ALDH8A1: variants seen among roughly 807,000 people sequenced by gnomAD.
ALDH8A1 encodes the protein 2-aminomuconic semialdehyde dehydrogenase.
Under a neutral mutation model 43.3 loss-of-function variants are expected in ALDH8A1, and 39 were observed. The ratio of observed to expected loss-of-function variants is 0.90; its 90% CI spans 0.70 to 1.18. The LOEUF (loss-of-function observed/expected upper bound fraction) is 1.18. Ranked by LOEUF, ALDH8A1 falls within the 50% of genes most tolerant of loss-of-function variation. The pLI is 0.00. For synonymous variants in ALDH8A1, 233 were observed against 243.5 expected (o/e 0.96, Z 0.40); for missense variants, 605 against 622.6 (o/e 0.97, Z 0.30).
rs369657445 is a variant in ALDH8A1 at position 134,942,476 on chromosome 6, C to G, written c.375G>C (p.Thr125=). The G allele has an allele frequency of 5.8e-5, 94 of 1,614,058 alleles. No individual in the cohort carries two copies. The highest frequency in any genetic ancestry group is 7.7e-5 in the Non-Finnish European group (91 of 1,180,034). The change falls in exon 3 of 7, where the codon ACG becomes ACC. Residue 125 remains threonine (T), a synonymous_variant. Transcript: ENST00000265605. ...GGTGGTCCATCTGCGTGCACTCTGA[C>G]GTGTGGTGCAGGCTGGAGGAAGCGA... The part of the protein sequence containing the change: ...RFFASSSLHH[T]SECTQMDHLG...
Position 134,929,068 on chromosome 6 carries a change from C to T in ALDH8A1, c.997G>A (p.Ala333Thr). 1 of 1,613,326 alleles carries T rather than the reference C, an allele frequency of 6.2e-7. No homozygotes were observed. The highest frequency in any genetic ancestry group is 8.5e-7 in the Non-Finnish European group (1 of 1,179,846). Residue 333 changes from alanine (A) to threonine (T), a missense_variant, in exon 6 of 7, where the codon GCA becomes ACA. Coordinates refer to ENST00000265605, the MANE Select transcript of ALDH8A1 (RefSeq NM_022568.4). The stretch of plus-strand genomic sequence containing the variant: ...AATTTACTTACTTTCTCCAAATGTG[C>T]TTTACTTATCAGAGCACCTATGCTC... ...LVSIGALISK[A>T]HLEKVRSYVK...
At chr6:134,921,086 G>T (rs138338935) in intron 6 of ALDH8A1, among the ~76,000 whole-genome samples, 156 of 152,274 alleles carry the variant, frequency 1.0e-3, no homozygotes, top group African/African-American at 3.4e-3. Context: ...TTGACTGTCA[G>T]CCTCTGTTGT....
chr6:134,946,812 A>G (rs538322922), intron 1 of ALDH8A1, among the ~76,000 whole-genome samples: 14 of 150,844 alleles, frequency 9.3e-5, no homozygotes, highest in South Asian at 2.1e-4. Flanking sequence ...GTGTGCGTGC[A>G]CGCACAGGTG....
At chr6:134,939,048 T>C (rs1583032784) in intron 4 of ALDH8A1, among the ~76,000 whole-genome samples, 3 of 152,070 alleles carry the variant, frequency 2.0e-5, no homozygotes, top group Admixed American at 2.0e-4. Flanking sequence ...TCGCCCACCC[T>C]GGGGAGTGGA....
intron 4 of ALDH8A1, among the ~76,000 whole-genome samples, chr6:134,935,935 C>G (rs1773729724): frequency 6.6e-6 from 1 of 151,512 alleles, no homozygotes; most frequent in African/African-American, 2.4e-5. Context: ...TGTGATGGTG[C>G]CTAGCAGAGC....
chr6:134,943,057 G>A (rs570289150), intron 2 of ALDH8A1, among the ~76,000 whole-genome samples: 1 of 152,302 alleles, frequency 6.6e-6, no homozygotes, highest in Non-Finnish European at 1.5e-5. Flanking sequence ...ATGCTGTGTG[G>A]CACCTGCTTG....
chr6:134,933,159 T>C, intron 4 of ALDH8A1, 127 bp from the exon 5 acceptor site: 6 of 1,103,130 alleles, frequency 5.4e-6, no homozygotes, highest in Non-Finnish European at 7.4e-6. Context: ...AGCACTTGGG[T>C]TTTACAACAC....
intron 5 of ALDH8A1, 74 bp downstream of exon 5, chr6:134,932,702 C>T (rs1422598645): frequency 2.0e-5 from 32 of 1,564,456 alleles, no homozygotes; most frequent in Non-Finnish European, 2.8e-5. Flanking sequence ...TGCTCCCAGG[C>T]ATTGCACTGT....
rs1251870562 is a variant in ALDH8A1 at position 134,918,789 on chromosome 6, G to A, written c.1090C>T (p.Pro364Ser). ...AAGTAGCCTGCCTGGTTCCTGGCAGGGAGGCTCAACTTATCCACTCCCTCA... is the reference window on the plus strand; with the variant it reads ...AAGTAGCCTGCCTGGTTCCTGGCAGAGAGGCTCAACTTATCCACTCCCTCA... ...CGEGVDKLSL[P>S]ARNQAGYFML... is the part of the protein sequence containing the mutation. Residue 364 changes from proline (P) to serine (S), a missense_variant, in exon 7 of 7, where the codon CCT (proline) becomes TCT (serine). Physicochemically the swap from Pro to Ser is moderately conservative, Grantham distance 74. Coordinates refer to ENST00000265605, the MANE Select transcript of ALDH8A1 (RefSeq NM_022568.4). 6.2e-7 allele frequency: 1 copy of A among 1,614,022 alleles called. No homozygotes were observed. Among genetic ancestry groups the A allele is most frequent in the Non-Finnish European group, 8.5e-7 (1 of 1,180,044 alleles).
At chr6:134,943,691 G>C in intron 2 of ALDH8A1, 128 bp downstream of exon 2, 2 of 1,408,758 alleles carry the variant, frequency 1.4e-6, no homozygotes, top group Non-Finnish European at 1.9e-6. Flanking sequence ...GCAGGGGAGG[G>C]TTTGCTCTCC....
intron 1 of ALDH8A1, among the ~76,000 whole-genome samples, chr6:134,948,102 A>G (rs1276827862): frequency 6.6e-6 from 1 of 152,220 alleles, no homozygotes; most frequent in Non-Finnish European, 1.5e-5. Context: ...ATTTGCACCA[A>G]CACGATTTGA....
At chr6:134,920,534 C>A (rs766892069) in intron 6 of ALDH8A1, among the ~76,000 whole-genome samples, 1 of 152,076 alleles carries the variant, frequency 6.6e-6, no homozygotes, top group Non-Finnish European at 1.5e-5. Context: ...GGCTTTAGAC[C>A]ATTATGTCGA....
intron 5 of ALDH8A1, among the ~76,000 whole-genome samples, chr6:134,930,702 G>T (rs888255965): frequency 6.6e-6 from 1 of 152,182 alleles, no homozygotes. Flanking sequence ...TTGCGCAAGC[G>T]CCCTGTGACA....
At chr6:134,923,457 T>A (rs1265323623) in intron 6 of ALDH8A1, among the ~76,000 whole-genome samples, 2 of 152,182 alleles carry the variant, frequency 1.3e-5, no homozygotes, top group African/African-American at 4.8e-5. Context: ...TATATTTTAA[T>A]GTGGTCAGAA....
intron 3 of ALDH8A1, chr6:134,941,253 C>G (rs1222466217): frequency 2.6e-5 from 4 of 152,222 alleles, no homozygotes; most frequent in African/African-American, 9.7e-5. Context: ...ATCACCCAGG[C>G]TGGAGTGCAG....
In ALDH8A1 at chr6:134,949,770, A is replaced by C. The variant is rs1281795008; in HGVS notation, c.138+146T>G. On this transcript the variant is annotated intron_variant, in intron 1 of 6. Coordinates refer to ENST00000265605, the MANE Select transcript of ALDH8A1 (RefSeq NM_022568.4). ...GTATCATACAGTCCAGTTACAAGGTACATCTTCTGAGAACTAGAATCTTCC... is the reference window on the plus strand; with the variant it reads ...GTATCATACAGTCCAGTTACAAGGTCCATCTTCTGAGAACTAGAATCTTCC... The C allele has an allele frequency of 4.4e-6, 4 of 901,626 alleles. No homozygotes were observed. The Admixed American group carries it at 1.3e-4, about 30-fold the overall frequency. The allele number at this position is 901,626 out of a possible 1,614,324, so 55.9% of individuals were successfully genotyped here.
intron 6 of ALDH8A1, among the ~76,000 whole-genome samples, chr6:134,924,805 T>C (rs1307805231): frequency 6.6e-6 from 1 of 152,260 alleles, no homozygotes; most frequent in East Asian, 1.9e-4. Context: ...TGAAATATTC[T>C]GACACCTAAA....
At chr6:134,931,823 A>C (rs1452105014) in intron 5 of ALDH8A1, among the ~76,000 whole-genome samples, 1 of 152,214 alleles carries the variant, frequency 6.6e-6, no homozygotes, top group Non-Finnish European at 1.5e-5. Context: ...TAATAATTGA[A>C]AGTAACATTT....
chr6:134,939,358 GGA>G lies in ALDH8A1; in HGVS notation c.498_499del (p.Pro167SerfsTer14), dbSNP rs1329562813. The G allele has an allele frequency of 1.2e-6, 2 of 1,614,094 alleles. No homozygotes were observed. The highest frequency in any genetic ancestry group is 3.3e-5 in the Admixed American group (2 of 60,002). On this transcript the variant is annotated frameshift_variant, in exon 4 of 7. Coordinates refer to ENST00000265605, the MANE Select transcript of ALDH8A1 (RefSeq NM_022568.4). LOFTEE classifies it high-confidence loss of function. Reference sequence around the variant, plus strand: ...CACAGTGTTCCCTGCAGCCATCGCTGGAGCTATCTTCCAGGTCAGCAAGTAGA... The same window carrying G: ...CACAGTGTTCCCTGCAGCCATCGCTGGCTATCTTCCAGGTCAGCAAGTAGA...
Sources: gnomAD v4.1 joint callset for allele counts (sites outside exome capture counted in the v4.1 genomes callset) on GRCh38, gnomAD v4.1.1 for gene constraint, MANE v1.5 for transcripts, NCBI Gene and HGNC (gene_info 2026-07-23, HGNC 2026-07-21) for gene names.